Variants in NETO1 observed in about 807,000 individuals in gnomAD.
NETO1 encodes neuropilin and tolloid-like protein 1.
NETO1 carries 26 observed loss-of-function variants against 61.3 expected under a neutral mutation model. The ratio of observed to expected loss-of-function variants is 0.42; its 90% CI spans 0.31 to 0.59. NETO1 has a LOEUF of 0.59. Ranked by LOEUF, NETO1 falls within the 20% of genes least tolerant of loss-of-function variation. The pLI is 0.12. For synonymous variants in NETO1, 225 were observed against 225.8 expected (o/e 1.00, Z 0.03); for missense variants, 531 against 662.8 (o/e 0.80, Z 2.18).
chr18:72,846,504 C>T (rs1326173697), intron 4 of NETO1, among the ~76,000 whole-genome samples: 1 of 13,004 alleles, frequency 7.7e-5, no homozygotes, highest in Non-Finnish European at 1.3e-4. Context: ...GACTTCATCT[C>T]AAAAAAAAAA....
At chr18:72,855,380 A>C (rs1279012956) in intron 4 of NETO1, among the ~76,000 whole-genome samples, 1 of 152,182 alleles carries the variant, frequency 6.6e-6, no homozygotes, top group African/African-American at 2.4e-5. Context: ...TGCATGCTAG[A>C]CTATAATCCT....
intron 4 of NETO1, among the ~76,000 whole-genome samples, chr18:72,801,588 G>T (rs1028268618): frequency 3.9e-5 from 6 of 152,050 alleles, no homozygotes; most frequent in Non-Finnish European, 8.8e-5. Flanking sequence ...ACACTTACTG[G>T]CTATTTTCAG....
intron 4 of NETO1, among the ~76,000 whole-genome samples, chr18:72,854,400 A>G (rs1398614216): frequency 6.6e-6 from 1 of 152,210 alleles, no homozygotes; most frequent in Non-Finnish European, 1.5e-5. Context: ...ACTATCATTG[A>G]AAAGGAAAAG....
In NETO1 at chr18:72,854,859, T is replaced by A. The variant is rs559528086; in HGVS notation, c.469+3967A>T. 6.6e-5 allele frequency among the ~76,000 whole-genome samples: 10 copies of A among 152,306 alleles called. No homozygotes were observed. The South Asian group carries it at 1.9e-3, about 28-fold the overall frequency. On this transcript the variant is annotated intron_variant, in intron 4 of 10. Transcript: ENST00000327305. ...AAAAATTAAAGCATTATCAATAAAG[T>A]TGAGTCAATTTTTACTCCATCTTGG...
At chr18:72,838,939 C>A (rs1340061192) in intron 4 of NETO1, among the ~76,000 whole-genome samples, 1 of 152,090 alleles carries the variant, frequency 6.6e-6, no homozygotes, top group Non-Finnish European at 1.5e-5. Flanking sequence ...CTCTGCTATA[C>A]TCATGATAAT....
intron 4 of NETO1, among the ~76,000 whole-genome samples, chr18:72,822,479 C>T (rs1374767117): frequency 2.0e-5 from 3 of 152,152 alleles, no homozygotes; most frequent in African/African-American, 7.2e-5. Flanking sequence ...GAGCAGGGAG[C>T]GGGAGCCATT....
At chr18:72,767,522 G>T (rs961695542) in intron 7 of NETO1, among the ~76,000 whole-genome samples, 4 of 152,134 alleles carry the variant, frequency 2.6e-5, no homozygotes, top group Non-Finnish European at 4.4e-5. Flanking sequence ...TACTTGTTTT[G>T]GTCAAATTAC....
At chr18:72,841,214 T>G (rs1000957065) in intron 4 of NETO1, among the ~76,000 whole-genome samples, 3 of 152,162 alleles carry the variant, frequency 2.0e-5, no homozygotes, top group Non-Finnish European at 4.4e-5. Context: ...CTTGAGAAGC[T>G]TGAACAAAAT....
chr18:72,759,503 T>C (rs1007132942), intron 7 of NETO1, among the ~76,000 whole-genome samples: 1 of 152,186 alleles, frequency 6.6e-6, no homozygotes, highest in Non-Finnish European at 1.5e-5. Context: ...TTTTAACTGA[T>C]TAATATTACT....
chr18:72,835,144 T>C (rs1287017965), intron 4 of NETO1: 3 of 1,254,152 alleles, frequency 2.4e-6, no homozygotes, highest in African/African-American at 1.5e-5. Context: ...TCCAGAAAGA[T>C]TGAGCAAACA....
intron 7 of NETO1, among the ~76,000 whole-genome samples, chr18:72,781,295 C>T (rs559576144): frequency 6.6e-6 from 1 of 152,146 alleles, no homozygotes; most frequent in African/African-American, 2.4e-5. Context: ...GATAAGAATA[C>T]TGAATAAATA....
chr18:72,833,129 T>A (rs555538090), intron 4 of NETO1, among the ~76,000 whole-genome samples: 1 of 152,310 alleles, frequency 6.6e-6, no homozygotes, highest in Non-Finnish European at 1.5e-5. Flanking sequence ...GTTATTTAAA[T>A]TCTCTGTAAT....
At chr18:72,777,575 C>T (rs2071596528) in intron 7 of NETO1, among the ~76,000 whole-genome samples, 1 of 72,500 alleles carries the variant, frequency 1.4e-5, no homozygotes, top group Non-Finnish European at 2.8e-5. Context: ...CCCGTCTCCA[C>T]TAAAAAATAC....
At chr18:72,847,948 C>CT (rs2074139163) in intron 4 of NETO1, among the ~76,000 whole-genome samples, 1 of 152,104 alleles carries the variant, frequency 6.6e-6, no homozygotes, top group Non-Finnish European at 1.5e-5. Context: ...TTTCCATTGC[C>CT]TTTTTCAGGA....
intron 4 of NETO1, among the ~76,000 whole-genome samples, chr18:72,814,683 A>C (rs1165157109): frequency 1.3e-5 from 2 of 152,084 alleles, no homozygotes; most frequent in Non-Finnish European, 2.9e-5. Flanking sequence ...GAATTATGCA[A>C]ATTCAAAACC....
At position 72,811,904 on chromosome 18, in the gene NETO1, C is replaced by T. The variant is rs775450186; in HGVS notation, c.470-17500G>A. 4.6e-5 allele frequency among the ~76,000 whole-genome samples: 7 copies of T among 152,186 alleles called. No homozygotes were observed. In the East Asian group the frequency reaches 7.7e-4, roughly 17 times the overall value. On this transcript the variant is annotated intron_variant, in intron 4 of 10. Transcript: ENST00000327305. The stretch of plus-strand genomic sequence containing the variant: ...AGACCTTTCTCTTGGCTCTCTGTCT[C>T]GTTTACATCCATGCTTTCAGTACCA...
intron 7 of NETO1, among the ~76,000 whole-genome samples, chr18:72,766,355 A>G (rs980905246): frequency 6.6e-6 from 1 of 151,904 alleles, no homozygotes; most frequent in South Asian, 2.1e-4. Flanking sequence ...CCACAAAACA[A>G]TTTTTTTCCA....
intron 4 of NETO1, among the ~76,000 whole-genome samples, chr18:72,814,389 G>C (rs1200148092): frequency 6.6e-6 from 1 of 151,644 alleles, no homozygotes; most frequent in African/African-American, 2.4e-5. Context: ...AGGGGAAAAA[G>C]TAATTTAATT....
At chr18:72,835,086 C>G (rs1201892551) in intron 4 of NETO1, 1 of 1,107,218 alleles carries the variant, frequency 9.0e-7, no homozygotes. Context: ...ATCTGGGTTT[C>G]AAGGTAGGAG....
Sources: gnomAD v4.1 joint callset for allele counts (sites outside exome capture counted in the v4.1 genomes callset) on GRCh38, gnomAD v4.1.1 for gene constraint, MANE v1.5 for transcripts, NCBI Gene and HGNC (gene_info 2026-07-23, HGNC 2026-07-21) for gene names.